Variants in PCDH15 observed in about 807,000 individuals in gnomAD.
PCDH15 encodes the protein protocadherin-15.
A neutral mutation model predicts 178.5 loss-of-function variants in PCDH15; 129 were observed. That is an observed-to-expected ratio of 0.72 (90% CI 0.63 to 0.84). PCDH15 has a LOEUF of 0.84. PCDH15 is among the 40% of genes least tolerant of loss of function. The pLI is 0.00. For synonymous variants in PCDH15, 800 were observed against 732.0 expected (o/e 1.09, Z -1.50); for missense variants, 2,230 against 2,099.9 (o/e 1.06, Z -1.21).
At chr10:54,155,802 A>G (rs535883768) in intron 13 of PCDH15, among the ~76,000 whole-genome samples, 10 of 152,118 alleles carry the variant, frequency 6.6e-5, no homozygotes, top group South Asian at 4.1e-4. Flanking sequence ...AAAAAAAAAA[A>G]AAAAAAAAAT....
At chr10:54,022,130 T>TTC (rs1417322453) in intron 19 of PCDH15, among the ~76,000 whole-genome samples, 7 of 151,870 alleles carry the variant, frequency 4.6e-5, no homozygotes, top group African/African-American at 1.7e-4. Flanking sequence ...TTTTTTTTTT[T>TTC]CCAAAACATA....
chr10:53,972,878 T>C (rs2089855267), intron 21 of PCDH15, among the ~76,000 whole-genome samples: 2 of 152,160 alleles, frequency 1.3e-5, no homozygotes. Flanking sequence ...TGGAAGACAG[T>C]GTGGCGATTC....
chr10:53,836,008 G>T (rs543066374), intron 29 of PCDH15, among the ~76,000 whole-genome samples: 1 of 152,094 alleles, frequency 6.6e-6, no homozygotes, highest in African/African-American at 2.4e-5. Context: ...ATGAAACAAG[G>T]GCCGTAAGTA....
intron 2 of PCDH15, among the ~76,000 whole-genome samples, chr10:54,926,893 A>G (rs983779882): frequency 1.3e-5 from 2 of 152,048 alleles, no homozygotes; most frequent in African/African-American, 4.8e-5. Context: ...TTACAAGAAA[A>G]TAACAACTCC....
intron 3 of PCDH15, among the ~76,000 whole-genome samples, chr10:54,495,836 A>G (rs1292241533): frequency 7.9e-5 from 12 of 152,092 alleles, no homozygotes; most frequent in African/African-American, 1.2e-4. Flanking sequence ...ATAGTCTCCT[A>G]TTTGGTCCTT....
At chr10:54,114,987 A>T (rs1388095725) in intron 15 of PCDH15, among the ~76,000 whole-genome samples, 1 of 152,158 alleles carries the variant, frequency 6.6e-6, no homozygotes, top group Non-Finnish European at 1.5e-5. Flanking sequence ...TAATTTTTTT[A>T]AAAAGTATTA....
intron 5 of PCDH15, among the ~76,000 whole-genome samples, chr10:54,366,647 A>G (rs961538276): frequency 8.0e-5 from 12 of 150,020 alleles, no homozygotes. Flanking sequence ...AACTATTCAA[A>G]TGAAAAATGA....
intron 21 of PCDH15, among the ~76,000 whole-genome samples, chr10:53,964,865 T>G (rs1285700078): frequency 6.6e-6 from 1 of 151,900 alleles, no homozygotes; most frequent in Non-Finnish European, 1.5e-5. Context: ...AGAGTGGGGG[T>G]TTAGCAGAAG....
At chr10:55,480,987 G>T (rs1840168504) in intron 2 of PCDH15, among the ~76,000 whole-genome samples, 1 of 151,586 alleles carries the variant, frequency 6.6e-6, no homozygotes, top group Non-Finnish European at 1.5e-5. Context: ...AGGTTGATAG[G>T]CTATTTATTA....
chr10:54,446,484 G>A (rs868277707), intron 3 of PCDH15, among the ~76,000 whole-genome samples: 9 of 151,234 alleles, frequency 6.0e-5, no homozygotes, highest in Non-Finnish European at 1.0e-4. Context: ...AAACTGTATT[G>A]ACCTTTTTCC....
intron 25 of PCDH15, among the ~76,000 whole-genome samples, chr10:53,925,752 T>G (rs2133927877): frequency 6.6e-6 from 1 of 152,348 alleles, no homozygotes; most frequent in East Asian, 1.9e-4. Flanking sequence ...GAGCCCTTTC[T>G]ATGGTGTGTT....
intron 20 of PCDH15, among the ~76,000 whole-genome samples, chr10:54,007,354 AG>A (rs2092421486): frequency 6.6e-6 from 1 of 152,146 alleles, no homozygotes; most frequent in East Asian, 1.9e-4. Flanking sequence ...GAAATATACA[AG>A]AAAAATATTT....
chr10:55,605,337 T>C (rs1004183111), intron 2 of PCDH15, among the ~76,000 whole-genome samples: 6 of 152,048 alleles, frequency 3.9e-5, no homozygotes, highest in African/African-American at 1.4e-4. Context: ...ACTGGTACCA[T>C]TCCTTCTGAA....
intron 37 of PCDH15, among the ~76,000 whole-genome samples, 152 bp from the exon 38 acceptor site, chr10:53,807,282 A>G (rs1333652616): frequency 1.3e-5 from 2 of 152,192 alleles, no homozygotes; most frequent in Admixed American, 6.5e-5. Flanking sequence ...CTTTATTAAC[A>G]TACATTTCCT....
chr10:54,004,953 A>T (rs1215566583), intron 20 of PCDH15, among the ~76,000 whole-genome samples: 1 of 10,808 alleles, frequency 9.3e-5, no homozygotes, highest in East Asian at 2.6e-3. Context: ...TACTGGCATA[A>T]AAAAAAAAAA....
intron 2 of PCDH15, among the ~76,000 whole-genome samples, chr10:55,047,919 T>C (rs1325032460): frequency 6.6e-6 from 1 of 151,856 alleles, no homozygotes; most frequent in Admixed American, 6.6e-5. Context: ...AGTAAGTAAG[T>C]GTGTTGATTG....
intron 10 of PCDH15, among the ~76,000 whole-genome samples, chr10:54,208,962 C>T (rs1466109248): frequency 6.6e-6 from 1 of 151,994 alleles, no homozygotes; most frequent in Admixed American, 6.6e-5. Flanking sequence ...GTTTCCATCT[C>T]TTGTCTTTTT....
In PCDH15 at chr10:54,345,453, A is replaced by G. The variant is rs1943081906; in HGVS notation, c.594+912T>C. On this transcript the variant is annotated intron_variant, in intron 6 of 37. Transcript: ENST00000644397. ...AGCTTATTTAAGTAGTGCATTTATA[A>G]TTGCTTTGGGGGGCCCGTGGGATTT... Among the ~76,000 whole-genome samples, 4 of 152,190 alleles carry G rather than the reference A, an allele frequency of 2.6e-5. No individual in the cohort carries two copies. In the South Asian group the frequency reaches 8.3e-4, roughly 32 times the overall value.
chr10:54,378,990 T>C (rs757830420), intron 3 of PCDH15, 48 bp from the exon 4 acceptor site: 2 of 1,604,714 alleles, frequency 1.2e-6, no homozygotes, highest in South Asian at 1.1e-5. Flanking sequence ...CTCATATGAA[T>C]TCTTTAGCAA....
Sources: allele counts gnomAD v4.1 joint callset (sites outside exome capture counted in the v4.1 genomes callset), GRCh38; gene constraint gnomAD v4.1.1; transcripts MANE v1.5; gene names NCBI Gene and HGNC (gene_info 2026-07-23, HGNC 2026-07-21).